FGF12: variants seen among roughly 807,000 people sequenced by gnomAD.
The protein encoded by FGF12 is fibroblast growth factor 12.
FGF12 carries 14 observed loss-of-function variants against 23.6 expected under a neutral mutation model. The ratio of observed to expected loss-of-function variants is 0.59; its 90% CI spans 0.39 to 0.93. The LOEUF (loss-of-function observed/expected upper bound fraction) is 0.93. Among genes scored for constraint, FGF12 ranks in the 40% least tolerant of loss-of-function variants. FGF12 has a pLI of 0.00. For synonymous variants in FGF12, 62 were observed against 77.3 expected (o/e 0.80, Z 1.04); for missense variants, 175 against 217.8 (o/e 0.80, Z 1.24).
chr3:192,158,722 C>G (rs1047608822), intron 5 of FGF12, among the ~76,000 whole-genome samples: 2 of 121,158 alleles, frequency 1.7e-5, no homozygotes, highest in Admixed American at 9.4e-5. Context: ...CCTTCTCCCT[C>G]TCTCCTTCTT....
chr3:192,719,786 C>CAAAAAAAAAAAA (rs553013127), intron 2 of FGF12, among the ~76,000 whole-genome samples: 2 of 102,374 alleles, frequency 2.0e-5, no homozygotes, highest in Non-Finnish European at 3.9e-5. Flanking sequence ...AGACTAAGGG[C>CAAAAAAAAAAAA]AAAAAAAAAA....
At chr3:192,502,896 GAT>G (rs1191460500) in intron 2 of FGF12, among the ~76,000 whole-genome samples, 29 of 152,222 alleles carry the variant, frequency 1.9e-4, no homozygotes. Flanking sequence ...TAGAAGCAGT[GAT>G]AGCTAATATC....
At chr3:192,338,283 C>T (rs866905794) in intron 3 of FGF12, among the ~76,000 whole-genome samples, 2 of 152,140 alleles carry the variant, frequency 1.3e-5, no homozygotes, top group African/African-American at 2.4e-5. Flanking sequence ...CGGGGTTTCA[C>T]TGTGTTGGCC....
At chr3:192,228,917 T>G (rs891691391) in intron 4 of FGF12, among the ~76,000 whole-genome samples, 2 of 152,076 alleles carry the variant, frequency 1.3e-5, no homozygotes, top group African/African-American at 4.8e-5. Context: ...CAGAGTTCAA[T>G]TACGTTTTTT....
At chr3:192,398,374 AT>A (rs1560099127) in intron 2 of FGF12, among the ~76,000 whole-genome samples, 1 of 143,580 alleles carries the variant, frequency 7.0e-6, no homozygotes, top group Non-Finnish European at 1.5e-5. Flanking sequence ...AGGCCCTTAT[AT>A]TTTCTTTTTT....
At position 192,626,023 on chromosome 3, in the gene FGF12, C is replaced by T. The variant is rs78056925; in HGVS notation, c.13+101158G>A. Among the ~76,000 whole-genome samples the T allele has an allele frequency of 3.1e-3, 469 of 152,216 alleles. 6 individuals carry two copies. The highest frequency in any genetic ancestry group is 0.011 in the African/African-American group (439 of 41,538). On this transcript the variant is annotated intron_variant, in intron 2 of 5. Coordinates refer to ENST00000445105, the MANE Select transcript of FGF12 (RefSeq NM_004113.6). ...CCCACATTCTGTAGCTTCTTATTTC[C>T]TCAGATTGCTCTTTGCTCTGACAGT...
rs1255778296 is a variant in FGF12 at position 192,142,132 on chromosome 3, A to G, written c.*1877T>C. 1 of 152,538 alleles carries G rather than the reference A, an allele frequency of 6.6e-6. No individual in the cohort carries two copies. The highest frequency in any genetic ancestry group is 1.5e-5 in the Non-Finnish European group (1 of 67,948). The allele number at this position is 152,538 out of a possible 1,614,324, so 9.4% of individuals were successfully genotyped here. A position where few individuals can be genotyped will look rare whatever the true frequency, so the allele number is the denominator to read the frequency against. The stretch of plus-strand genomic sequence containing the variant: ...TTAAACAAATATCTCTTGCAAATGT[A>G]TCTTCAAAATCTTTGCCTACATGCA... On this transcript the variant is annotated 3_prime_UTR_variant, in exon 6 of 6. Transcript: ENST00000445105.
At chr3:192,199,186 C>A (rs1472392199) in intron 4 of FGF12, among the ~76,000 whole-genome samples, 1 of 152,062 alleles carries the variant, frequency 6.6e-6, no homozygotes, top group Admixed American at 6.6e-5. Flanking sequence ...TAAAATGGGG[C>A]AAGGGGAGAA....
rs184867734 is a variant in FGF12 at position 192,707,346 on chromosome 3, G to A, written c.13+19835C>T. On this transcript the variant is annotated intron_variant, in intron 2 of 5. Transcript: ENST00000445105. ...AGAGCTGGCTTCATGGGAGCTGACC[G>A]AGAATGGCACATCCAGTCTTTGTCA... Among the ~76,000 whole-genome samples the A allele has an allele frequency of 7.4e-4, 112 of 152,250 alleles. 1 individual carries two copies. Among genetic ancestry groups the A allele is most frequent in the African/African-American group, 2.6e-3 (109 of 41,554 alleles).
rs1392786990 is a variant in FGF12, at chr3:192,198,505, T to C, written c.229-27849A>G. Among the ~76,000 whole-genome samples the C allele has an allele frequency of 2.0e-4, 30 of 152,206 alleles. 1 individual carries two copies. Among genetic ancestry groups the C allele is most frequent in the Non-Finnish European group, 1.5e-5 (1 of 68,028 alleles). ...GCTGCTTTACCTTTCATGACCTCAC[T>C]TATTCAGCCATGAAAAAAGGGTGAG... On this transcript the variant is annotated intron_variant, in intron 4 of 5. Coordinates refer to ENST00000445105, the MANE Select transcript of FGF12 (RefSeq NM_004113.6).
intron 2 of FGF12, among the ~76,000 whole-genome samples, chr3:192,693,563 T>C (rs1485360273): frequency 6.6e-6 from 1 of 151,980 alleles, no homozygotes; most frequent in African/African-American, 2.4e-5. Flanking sequence ...AACCGACACA[T>C]AGACTAATGG....
chr3:192,697,110 G>A (rs557796837), intron 2 of FGF12, among the ~76,000 whole-genome samples: 4 of 151,050 alleles, frequency 2.6e-5, no homozygotes, highest in African/African-American at 9.7e-5. Context: ...GACTTCTCCT[G>A]CTGACAGAAG....
At chr3:192,477,509 ATAT>A (rs953937186) in intron 2 of FGF12, among the ~76,000 whole-genome samples, 11 of 152,354 alleles carry the variant, frequency 7.2e-5, no homozygotes, top group African/African-American at 2.4e-4. Flanking sequence ...CAATGGTACG[ATAT>A]TATTACCAGT....
In FGF12 at chr3:192,408,115, C is replaced by T; in HGVS notation, c.14-47577G>A. On this transcript the variant is annotated intron_variant, in intron 2 of 5. Coordinates refer to ENST00000445105, the MANE Select transcript of FGF12 (RefSeq NM_004113.6). The surrounding 1 kb of genome is among the most constrained non-coding windows in gnomAD (Gnocchi z 7.3). Reference sequence around the variant, plus strand: ...ACGTGCCTCTCGCACAGGGAGCGCCCGTCTTTGCTGGGGCTGGAGCGGCGC... The same window carrying T: ...ACGTGCCTCTCGCACAGGGAGCGCCTGTCTTTGCTGGGGCTGGAGCGGCGC... The T allele has an allele frequency of 6.2e-7, 1 of 1,613,116 alleles. No individual in the cohort carries two copies. Among genetic ancestry groups the T allele is most frequent in the Non-Finnish European group, 8.5e-7 (1 of 1,180,004 alleles).
At chr3:192,454,825 T>A (rs770618772) in intron 2 of FGF12, among the ~76,000 whole-genome samples, 1 of 152,178 alleles carries the variant, frequency 6.6e-6, no homozygotes, top group Non-Finnish European at 1.5e-5. Flanking sequence ...GGTGACACAT[T>A]CAGAAGATGT....
intron 4 of FGF12, among the ~76,000 whole-genome samples, chr3:192,318,879 C>A (rs762977826): frequency 5.3e-5 from 8 of 151,950 alleles, no homozygotes; most frequent in Non-Finnish European, 1.2e-4. Flanking sequence ...ATGGAGCTCC[C>A]ACACATCTGG....
intron 4 of FGF12, among the ~76,000 whole-genome samples, chr3:192,173,346 G>A (rs1183342204): frequency 6.6e-6 from 1 of 150,454 alleles, no homozygotes; most frequent in Non-Finnish European, 1.5e-5. Context: ...GTGAGGGAAG[G>A]AATGAAACTA....
chr3:192,388,337 T>C (rs1037725151), intron 2 of FGF12, among the ~76,000 whole-genome samples: 2 of 152,226 alleles, frequency 1.3e-5, no homozygotes, highest in African/African-American at 4.8e-5. Flanking sequence ...CAAATCGTTA[T>C]AATACAATGT....
At chr3:192,170,792 T>C in intron 4 of FGF12, 136 bp from the exon 5 acceptor site, 4 of 727,290 alleles carry the variant, frequency 5.5e-6, no homozygotes, top group Non-Finnish European at 8.8e-6. Flanking sequence ...TAGTTTCTAT[T>C]AGCCTTTGGT....
Sources: gnomAD v4.1 joint callset for allele counts (sites outside exome capture counted in the v4.1 genomes callset) on GRCh38, gnomAD v4.1.1 for gene constraint, Gnocchi (gnomAD v3.1) non-coding constraint, MANE v1.5 for transcripts, NCBI Gene and HGNC (gene_info 2026-07-23, HGNC 2026-07-21) for gene names.